Variants in SPATS2 observed in about 807,000 individuals in gnomAD.
The protein encoded by SPATS2 is spermatogenesis associated serine rich 2.
Under a neutral mutation model 63.7 loss-of-function variants are expected in SPATS2, and 38 were observed. That is an observed-to-expected ratio of 0.60 (90% confidence interval 0.46 to 0.78). The LOEUF is 0.78. SPATS2 is among the 30% of genes least tolerant of loss of function. The pLI, the probability that SPATS2 is intolerant of heterozygous loss-of-function variation, is 0.00. For synonymous variants in SPATS2, 207 were observed against 232.9 expected, an observed-to-expected ratio of 0.89 and a Z score of 1.01; for missense variants, 588 against 666.2, an observed-to-expected ratio of 0.88 and a Z score of 1.29.
Position 49,524,904 on chromosome 12 carries a change from A to G in SPATS2, c.1326+8A>G, listed in dbSNP as rs753735344. ...TACCAGCCACTTCGGGAGGTAACCT[A>G]GCTTCTACACTGAGCATGTTAGGAA... On this transcript the variant is annotated splice_region_variant and intron_variant, in intron 13 of 13. Transcript: ENST00000552918. 52 of 1,612,436 alleles carry G rather than the reference A, an allele frequency of 3.2e-5. 1 individual carries two copies. In the Middle Eastern group the frequency reaches 4.3e-3, roughly 134 times the overall value.
At chr12:49,436,999 G>A (rs1402167360) in intron 2 of SPATS2, among the ~76,000 whole-genome samples, 4 of 152,046 alleles carry the variant, frequency 2.6e-5, no homozygotes, top group Non-Finnish European at 5.9e-5. Context: ...GCGGCTGGCC[G>A]GGCGGGGGGC....
At chr12:49,521,795 C>A (rs957799039) in intron 11 of SPATS2, among the ~76,000 whole-genome samples, 3 of 152,152 alleles carry the variant, frequency 2.0e-5, no homozygotes, top group Non-Finnish European at 4.4e-5. Context: ...GGCTTTGTAA[C>A]AAGAGGTTCG....
intron 9 of SPATS2, among the ~76,000 whole-genome samples, chr12:49,502,282 G>A (rs1317375832): frequency 6.6e-6 from 1 of 152,176 alleles, no homozygotes; most frequent in Non-Finnish European, 1.5e-5. Flanking sequence ...CTCTGGAATT[G>A]CAGAGGAGTA....
At chr12:49,517,973 A>G (rs1946878734) in intron 10 of SPATS2, among the ~76,000 whole-genome samples, 1 of 152,106 alleles carries the variant, frequency 6.6e-6, no homozygotes, top group East Asian at 1.9e-4. Context: ...CTTTTTTCCA[A>G]AATGAGAATA....
chr12:49,371,566 T>C (rs1350004971), intron 2 of SPATS2, among the ~76,000 whole-genome samples: 1 of 152,232 alleles, frequency 6.6e-6, no homozygotes, highest in Non-Finnish European at 1.5e-5. Flanking sequence ...CATTCTCATA[T>C]TGCTGTAAAG....
chr12:49,462,504 G>T (rs1371251557), intron 3 of SPATS2: 1 of 696,794 alleles, frequency 1.4e-6, no homozygotes, highest in African/African-American at 1.7e-5. Flanking sequence ...TTCCCCCCGT[G>T]TGTGGGGTGG....
At chr12:49,467,215 ATTTTT>A (rs35462676) in intron 3 of SPATS2, among the ~76,000 whole-genome samples, 2 of 119,946 alleles carry the variant, frequency 1.7e-5, no homozygotes, top group African/African-American at 6.3e-5. Flanking sequence ...TGCCTGGCTA[ATTTTT>A]TTTTTTTTTT....
chr12:49,391,092 G>T (rs1464910991), intron 2 of SPATS2, among the ~76,000 whole-genome samples: 4 of 152,182 alleles, frequency 2.6e-5, no homozygotes, highest in Non-Finnish European at 5.9e-5. Context: ...AAAAATTCTG[G>T]ATCTGTTTTT....
In SPATS2 at chr12:49,494,956, A is replaced by G. The variant is rs1946440687; in HGVS notation, c.480A>G (p.Glu160=). The G allele has an allele frequency of 1.2e-6, 2 of 1,613,760 alleles. No individual in the cohort carries two copies. Among genetic ancestry groups the G allele is most frequent in the South Asian group, 2.2e-5 (2 of 91,008 alleles). The change falls in exon 7 of 14, where the codon GAA becomes GAG. Residue 160 remains glutamate (E), a synonymous_variant. Transcript: ENST00000552918. ...AGACACTTTCAATAGATGCCAGAGA[A>G]TTGGAGGATCCCGAGTCTGCCATGC... The part of the protein sequence containing the change: ...GLETLSIDAR[E]LEDPESAMLD...
chr12:49,402,173 A>G (rs1398195911), intron 2 of SPATS2, among the ~76,000 whole-genome samples: 1 of 152,144 alleles, frequency 6.6e-6, no homozygotes, highest in Non-Finnish European at 1.5e-5. Context: ...TGCCTCCCGA[A>G]TGTCCTAAAT....
intron 3 of SPATS2, among the ~76,000 whole-genome samples, chr12:49,475,117 C>T (rs150362202): frequency 4.6e-5 from 7 of 152,222 alleles, no homozygotes; most frequent in Admixed American, 2.0e-4. Context: ...TGGGTGGGGA[C>T]GCAGAGCCAA....
At chr12:49,423,412 G>A (rs549817969) in intron 2 of SPATS2, among the ~76,000 whole-genome samples, 13 of 152,258 alleles carry the variant, frequency 8.5e-5, no homozygotes, top group Admixed American at 5.9e-4. Flanking sequence ...GATTACGGGC[G>A]TGAGCCACCG....
At chr12:49,387,022 G>T (rs573028158) in intron 2 of SPATS2, 1 of 152,192 alleles carries the variant, frequency 6.6e-6, no homozygotes, top group Non-Finnish European at 1.5e-5. Context: ...ATTTTTATAG[G>T]ATATTCGATG....
intron 9 of SPATS2, 21 bp downstream of exon 9, chr12:49,500,226 T>C (rs1253026058): frequency 1.9e-6 from 3 of 1,585,238 alleles, no homozygotes; most frequent in Non-Finnish European, 2.6e-6. Context: ...CTGCATTTGA[T>C]ATCAGTAGCA....
intron 2 of SPATS2, among the ~76,000 whole-genome samples, chr12:49,383,588 G>T (rs1944260844): frequency 6.6e-6 from 1 of 151,680 alleles, no homozygotes; most frequent in South Asian, 2.1e-4. Flanking sequence ...TTTTTGTAAA[G>T]TCGAGGTCTC....
At chr12:49,502,207 C>A (rs1646949406) in intron 9 of SPATS2, among the ~76,000 whole-genome samples, 1 of 152,158 alleles carries the variant, frequency 6.6e-6, no homozygotes, top group South Asian at 2.1e-4. Context: ...CAAATTTAGT[C>A]TAGTCACTTT....
intron 2 of SPATS2, among the ~76,000 whole-genome samples, chr12:49,424,365 A>G (rs1267365173): frequency 1.3e-5 from 2 of 152,202 alleles, no homozygotes; most frequent in South Asian, 4.1e-4. Context: ...ATAGGGAACC[A>G]TGGTGCCCTT....
chr12:49,425,309 A>T (rs75458245), intron 2 of SPATS2, among the ~76,000 whole-genome samples: 14,023 of 152,040 alleles, frequency 0.092, 755 homozygotes, highest in African/African-American at 0.14. Flanking sequence ...TTAAAGAAAT[A>T]ATTTTTCTTA....
intron 2 of SPATS2, among the ~76,000 whole-genome samples, chr12:49,409,689 G>A (rs1231980032): frequency 4.5e-5 from 6 of 134,092 alleles, no homozygotes; most frequent in South Asian, 5.2e-4. Context: ...TGCAATCTCC[G>A]CCTCTCAGGT....
Sources: gnomAD v4.1 joint callset for allele counts (sites outside exome capture counted in the v4.1 genomes callset) on GRCh38, gnomAD v4.1.1 for gene constraint, MANE v1.5 for transcripts, NCBI Gene and HGNC (gene_info 2026-07-23, HGNC 2026-07-21) for gene names.